The following SUCLG2 variants were observed in gnomAD, a reference collection of about 807,000 sequenced individuals.
SUCLG2 encodes succinate-CoA ligase GDP-forming subunit beta, also known as succinate--CoA ligase [GDP-forming] subunit beta, mitochondrial.
SUCLG2 carries 42 observed loss-of-function variants against 47.9 expected under a neutral mutation model. That is an observed-to-expected ratio of 0.88 (90% CI 0.69 to 1.14). The LOEUF is 1.14. Among genes scored for constraint, SUCLG2 ranks in the 50% most tolerant of loss-of-function variants. SUCLG2 has a pLI of 0.00. For missense variants in SUCLG2, 571 were observed against 525.9 expected (o/e 1.09, Z -0.84); for synonymous variants, 195 against 197.3 (o/e 0.99, Z 0.10).
chr3:67,573,052 T>C (rs1707657824), intron 2 of SUCLG2, among the ~76,000 whole-genome samples: 1 of 152,186 alleles, frequency 6.6e-6, no homozygotes, highest in Non-Finnish European at 1.5e-5. Flanking sequence ...ATGAAATTAT[T>C]AAAGTAATGC....
At chr3:67,569,313 T>C (rs1226310681) in intron 2 of SUCLG2, among the ~76,000 whole-genome samples, 1 of 152,224 alleles carries the variant, frequency 6.6e-6, no homozygotes, top group East Asian at 1.9e-4. Flanking sequence ...GATGCCTGTC[T>C]CCCCAAGTAG....
intron 10 of SUCLG2, among the ~76,000 whole-genome samples, chr3:67,362,281 G>C (rs534215981): frequency 6.6e-6 from 1 of 152,164 alleles, no homozygotes; most frequent in South Asian, 2.1e-4. Flanking sequence ...TTCTCCCTCT[G>C]CCTGGAGCTG....
intron 9 of SUCLG2, among the ~76,000 whole-genome samples, chr3:67,486,836 T>C (rs1705067559): frequency 1.3e-5 from 2 of 152,210 alleles, no homozygotes; most frequent in South Asian, 2.1e-4. Context: ...AGGCAGAGGA[T>C]TGCCTTTTTG....
At chr3:67,360,753 T>G in exon 11 of SUCLG2, 2 of 1,516,646 alleles carry the variant, frequency 1.3e-6, no homozygotes, top group Non-Finnish European at 1.8e-6. Context: ...ACTTCCTTTT[T>G]TTTCCATAAA....
At chr3:67,388,137 A>G (rs993485431) in intron 10 of SUCLG2, among the ~76,000 whole-genome samples, 2 of 152,204 alleles carry the variant, frequency 1.3e-5, no homozygotes, top group Non-Finnish European at 2.9e-5. Flanking sequence ...CACAATGTCC[A>G]CTGTATCATG....
At chr3:67,609,410 C>G in intron 2 of SUCLG2, 45 bp downstream of exon 2, 2 of 1,583,254 alleles carry the variant, frequency 1.3e-6, no homozygotes, top group Non-Finnish European at 1.7e-6. Context: ...CCTGTGAATT[C>G]ACTGATTTGG....
intron 10 of SUCLG2, chr3:67,376,241 T>C: frequency 1.0e-6 from 1 of 985,438 alleles, no homozygotes; most frequent in Non-Finnish European, 1.2e-6. Context: ...GAAAGGAAGT[T>C]CCGAGAATCT....
At chr3:67,586,206 A>G (rs1024199564) in intron 2 of SUCLG2, among the ~76,000 whole-genome samples, 5 of 152,184 alleles carry the variant, frequency 3.3e-5, no homozygotes, top group Non-Finnish European at 7.4e-5. Context: ...GTAATTCTCA[A>G]TGATTTCCGC....
At chr3:67,580,720 A>G (rs919164134) in intron 2 of SUCLG2, among the ~76,000 whole-genome samples, 4 of 152,182 alleles carry the variant, frequency 2.6e-5, no homozygotes, top group Non-Finnish European at 5.9e-5. Flanking sequence ...TTCCAAAATC[A>G]TTGGTCAGTT....
chr3:67,620,303 G>A (rs908403581), intron 1 of SUCLG2, among the ~76,000 whole-genome samples: 3 of 138,712 alleles, frequency 2.2e-5, no homozygotes, highest in South Asian at 2.2e-4. Context: ...ACATGATGAG[G>A]CCGGGTGCAG....
In SUCLG2 at chr3:67,474,571, T is replaced by C. The variant is rs1426820347; in HGVS notation, c.1062+21227A>G. Among the ~76,000 whole-genome samples, 3 of 152,198 alleles carry C rather than the reference T, an allele frequency of 2.0e-5. No individual in the cohort carries two copies. The East Asian group carries it at 5.8e-4, about 29-fold the overall frequency. ...ATTTAACTTGCATTATGATATTGCT[T>C]TCTTTCACATTTAGAAGGGCTCATG... On this transcript the variant is annotated intron_variant, in intron 9 of 10. Coordinates refer to ENST00000307227, the MANE Select transcript of SUCLG2 (RefSeq NM_003848.4).
At chr3:67,559,172 G>A (rs1026837720) in intron 2 of SUCLG2, among the ~76,000 whole-genome samples, 5 of 152,026 alleles carry the variant, frequency 3.3e-5, no homozygotes, top group South Asian at 2.1e-4. Context: ...GCTAACATAC[G>A]TGCACAAGGG....
chr3:67,431,075 G>T (rs1703467411), intron 9 of SUCLG2, among the ~76,000 whole-genome samples: 1 of 152,082 alleles, frequency 6.6e-6, no homozygotes, highest in African/African-American at 2.4e-5. Context: ...CAATAGAAAA[G>T]GAGGGAATCC....
At chr3:67,388,390 G>C (rs1280388907) in intron 10 of SUCLG2, among the ~76,000 whole-genome samples, 1 of 152,154 alleles carries the variant, frequency 6.6e-6, no homozygotes, top group African/African-American at 2.4e-5. Flanking sequence ...CATCTTGTGT[G>C]ATAAACGTCC....
chr3:67,450,448 T>C (rs1156668940), intron 9 of SUCLG2, among the ~76,000 whole-genome samples: 1 of 152,180 alleles, frequency 6.6e-6, no homozygotes, highest in African/African-American at 2.4e-5. Context: ...TTTCTTGAGA[T>C]TTTCTGGAAT....
intron 4 of SUCLG2, among the ~76,000 whole-genome samples, chr3:67,527,917 T>C (rs1054766148): frequency 7.2e-5 from 11 of 152,202 alleles, no homozygotes; most frequent in Non-Finnish European, 1.6e-4. Context: ...TTTTGCTAAA[T>C]GCTAATGATA....
chr3:67,379,795 T>C (rs1325625508), intron 10 of SUCLG2, among the ~76,000 whole-genome samples: 4 of 152,224 alleles, frequency 2.6e-5, no homozygotes, highest in Admixed American at 6.5e-5. Flanking sequence ...GGGATATCTT[T>C]CTAATCACCA....
chr3:67,610,812 G>A (rs1700514727), intron 1 of SUCLG2, among the ~76,000 whole-genome samples: 1 of 152,178 alleles, frequency 6.6e-6, no homozygotes, highest in Admixed American at 6.5e-5. Context: ...GACATCTACT[G>A]TGTCCTTAAA....
At chr3:67,362,755 G>A (rs796171617) in intron 10 of SUCLG2, among the ~76,000 whole-genome samples, 8 of 152,252 alleles carry the variant, frequency 5.3e-5, no homozygotes, top group African/African-American at 1.7e-4. Flanking sequence ...TAGCCTTCTC[G>A]AGAAGTATGC....
Sources: allele counts gnomAD v4.1 joint callset (sites outside exome capture counted in the v4.1 genomes callset), GRCh38; gene constraint gnomAD v4.1.1; transcripts MANE v1.5; gene names NCBI Gene and HGNC (gene_info 2026-07-23, HGNC 2026-07-21).